The following ZNF251 variants were observed in gnomAD, a reference collection of about 807,000 sequenced individuals.
ZNF251 encodes the protein zinc finger protein 251.
In ZNF251, 14 loss-of-function variants were observed where a neutral mutation model predicts 13.5. That is an observed-to-expected ratio of 1.04 (90% CI 0.69 to 1.63). ZNF251 has a LOEUF of 1.63. Ranked by LOEUF, ZNF251 falls within the 40% of genes most tolerant of loss-of-function variation. The pLI is 0.00. For synonymous variants in ZNF251, 287 were observed against 295.2 expected, an observed-to-expected ratio of 0.97 and a Z score of 0.28; for missense variants, 764 against 834.9, an observed-to-expected ratio of 0.92 and a Z score of 1.05.
intron 4 of ZNF251, among the ~76,000 whole-genome samples, chr8:144,737,931 G>C (rs1823979793): frequency 6.6e-6 from 1 of 151,610 alleles, no homozygotes; most frequent in Non-Finnish European, 1.5e-5. Context: ...GGCACTGTCT[G>C]GTCAGGGTGC....
chr8:144,746,360 TTC>T (rs1824429376), intron 4 of ZNF251, among the ~76,000 whole-genome samples: 1 of 152,254 alleles, frequency 6.6e-6, no homozygotes. Flanking sequence ...TGGTATATAA[TTC>T]TTTTTATACA....
chr8:144,748,012 C>G (rs149118202), intron 4 of ZNF251, among the ~76,000 whole-genome samples: 1 of 152,138 alleles, frequency 6.6e-6, no homozygotes, highest in African/African-American at 2.4e-5. Flanking sequence ...TGGGCTCAAG[C>G]GATCTGCCCT....
chr8:144,721,458 C>A lies in ZNF251; in HGVS notation c.*186G>T. 1 of 567,852 alleles carries A rather than the reference C, an allele frequency of 1.8e-6. No individual in the cohort carries two copies. Among genetic ancestry groups the A allele is most frequent in the Non-Finnish European group, 2.6e-6 (1 of 379,702 alleles). 35.2% of individuals were successfully genotyped at this position (567,852 alleles called of 1,614,324 possible). On this transcript the variant is annotated 3_prime_UTR_variant, in exon 5 of 5. Transcript: ENST00000292562. ...AGCACAGCAGTAACCTTTACACAGA[C>A]AGCCTGATTTCCCAGAATGAATTCT...
chr8:144,727,763 A>G (rs568306351), intron 4 of ZNF251, among the ~76,000 whole-genome samples: 1 of 152,122 alleles, frequency 6.6e-6, no homozygotes, highest in South Asian at 2.1e-4. Context: ...CTTGTCATTC[A>G]TATGTTCACC....
At chr8:144,730,149 G>C (rs965805506) in intron 4 of ZNF251, 39 of 981,070 alleles carry the variant, frequency 4.0e-5, no homozygotes, top group South Asian at 4.7e-5. Flanking sequence ...ACCAAACAGG[G>C]AAGTGGAGAG....
intron 4 of ZNF251, among the ~76,000 whole-genome samples, chr8:144,742,219 A>C (rs1563765631): frequency 1.3e-5 from 2 of 152,198 alleles, no homozygotes; most frequent in South Asian, 2.1e-4. Flanking sequence ...AAAAGGAAAA[A>C]AAAAAGCAAA....
intron 4 of ZNF251, among the ~76,000 whole-genome samples, chr8:144,733,814 T>C (rs1823796022): frequency 1.3e-5 from 2 of 152,106 alleles, no homozygotes; most frequent in Non-Finnish European, 2.9e-5. Flanking sequence ...GAAGAGGTTT[T>C]CTCAAGAGAA....
intron 4 of ZNF251, among the ~76,000 whole-genome samples, chr8:144,731,948 A>ATTTTTTTTTTTT (rs59877504): frequency 9.9e-5 from 14 of 141,978 alleles, no homozygotes; most frequent in African/African-American, 3.4e-4. Context: ...TGACAGCTGC[A>ATTTTTTTTTTTT]TTTTTTTTTT....
chr8:144,730,110 G>A, intron 4 of ZNF251: 1 of 985,434 alleles, frequency 1.0e-6, no homozygotes, highest in Non-Finnish European at 1.2e-6. Flanking sequence ...ACCAGAGTCG[G>A]CTGAAAAGTG....
At chr8:144,743,274 G>T (rs928993497) in intron 4 of ZNF251, among the ~76,000 whole-genome samples, 1 of 152,112 alleles carries the variant, frequency 6.6e-6, no homozygotes. Flanking sequence ...ATGTTGGCCA[G>T]GCTCGTCTCG....
intron 4 of ZNF251, among the ~76,000 whole-genome samples, chr8:144,733,706 C>T (rs1316455053): frequency 2.6e-5 from 4 of 152,232 alleles, no homozygotes; most frequent in South Asian, 2.1e-4. Flanking sequence ...TCCATCCTCT[C>T]TCCTCGCGCC....
In ZNF251 at chr8:144,721,729, C is replaced by T. The variant is rs565210932; in HGVS notation, c.1931G>A (p.Arg644His). ...ATTTAAAGCAGGTTTCTCTCCAACA[C>T]GAGTCTGCTGAGGTGGTGTGAGCTG... Reference protein sequence around the residue: ...SSQLTPPQQTRVGEKPALNDG... With the variant: ...SSQLTPPQQTHVGEKPALNDG... The change falls in exon 5 of 5, where the codon CGT (arginine) becomes CAT (histidine). Residue 644 changes from arginine (R) to histidine (H), a missense_variant. Physicochemically the swap from Arg to His is conservative, Grantham distance 29. Coordinates refer to ENST00000292562, the MANE Select transcript of ZNF251 (RefSeq NM_138367.2). 13 of 1,385,416 alleles carry T rather than the reference C, an allele frequency of 9.4e-6. No homozygotes were observed. The highest frequency in any genetic ancestry group is 2.9e-5 in the African/African-American group (2 of 69,916). 85.8% of individuals were successfully genotyped at this position (1,385,416 alleles called of 1,614,324 possible). A position where few individuals can be genotyped will look rare whatever the true frequency, so the allele number is the denominator to read the frequency against.
At chr8:144,725,053 G>C (rs1277153866) in intron 4 of ZNF251, among the ~76,000 whole-genome samples, 1 of 150,716 alleles carries the variant, frequency 6.6e-6, no homozygotes, top group Non-Finnish European at 1.5e-5. Context: ...CACTCTTGTT[G>C]CCCAGACTGG....
chr8:144,725,384 G>C (rs562387220), intron 4 of ZNF251, among the ~76,000 whole-genome samples: 1 of 151,908 alleles, frequency 6.6e-6, no homozygotes, highest in Non-Finnish European at 1.5e-5. Flanking sequence ...TTGAACTCTT[G>C]GGATCAAGTG....
intron 4 of ZNF251, among the ~76,000 whole-genome samples, chr8:144,741,343 C>A (rs1563765120): frequency 6.6e-6 from 1 of 152,178 alleles, no homozygotes; most frequent in Non-Finnish European, 1.5e-5. Flanking sequence ...ACCAGCTGCA[C>A]AGATGTACAC....
At chr8:144,737,553 G>C (rs1197779432) in intron 4 of ZNF251, among the ~76,000 whole-genome samples, 1 of 151,626 alleles carries the variant, frequency 6.6e-6, no homozygotes, top group African/African-American at 2.4e-5. Flanking sequence ...ACGAGGCTGG[G>C]CGCAGTGGCT....
chr8:144,753,739 C>CAA lies in ZNF251; in HGVS notation c.219_220dup (p.Trp74PhefsTer4), dbSNP rs1265886322. The CAA allele has an allele frequency of 1.2e-6, 2 of 1,600,104 alleles. No individual in the cohort carries two copies. Among genetic ancestry groups the CAA allele is most frequent in the Non-Finnish European group, 1.7e-6 (2 of 1,172,916 alleles). On this transcript the variant is annotated frameshift_variant, in exon 4 of 5. Transcript: ENST00000292562. LOFTEE classifies it high-confidence loss of function. ...CTCAGCTCCCAGAAGATTCAGGACC[C>CAA]AAAGTTCCTTCCCCTGCTCCAGCTG...
intron 4 of ZNF251, among the ~76,000 whole-genome samples, chr8:144,732,189 C>T (rs888453592): frequency 6.6e-6 from 1 of 152,128 alleles, no homozygotes; most frequent in Non-Finnish European, 1.5e-5. Flanking sequence ...GTGATCCGCC[C>T]ACCTCAGCCT....
intron 4 of ZNF251, among the ~76,000 whole-genome samples, chr8:144,727,118 A>G (rs140564686): frequency 2.8e-3 from 422 of 152,338 alleles, no homozygotes; most frequent in Non-Finnish European, 4.8e-3. Context: ...AATTCCATTT[A>G]TAAAAAGTTC....
Sources: allele counts gnomAD v4.1 joint callset (sites outside exome capture counted in the v4.1 genomes callset), GRCh38; gene constraint gnomAD v4.1.1; transcripts MANE v1.5; gene names NCBI Gene and HGNC (gene_info 2026-07-23, HGNC 2026-07-21).